GALNT3: variants seen among roughly 807,000 people sequenced by gnomAD.
GALNT3 encodes the protein GalNAc transferase 3.
GALNT3 carries 51 observed loss-of-function variants against 69.8 expected under a neutral mutation model. The observed-to-expected ratio is 0.73, with a 90% CI of 0.58 to 0.92. The LOEUF is 0.92. Ranked by LOEUF, GALNT3 falls within the 40% of genes least tolerant of loss-of-function variation. The probability of loss-of-function intolerance (pLI) is 0.00; values close to 1 mark genes in which losing one functional copy is unlikely to be tolerated. For missense variants in GALNT3, 711 were observed against 760.0 expected (o/e 0.94, Z 0.76); for synonymous variants, 265 against 248.5 (o/e 1.07, Z -0.63).
chr2:165,751,539 A>T (rs1055008176), intron 9 of GALNT3, among the ~76,000 whole-genome samples: 1 of 152,234 alleles, frequency 6.6e-6, no homozygotes, highest in Non-Finnish European at 1.5e-5. Context: ...ATTATTAAAA[A>T]GTCATTAAAA....
rs548943257 is a variant in GALNT3 at position 165,780,655 on chromosome 2, G to T, written c.-108-9847C>A. Among the ~76,000 whole-genome samples, 1,201 of 148,838 alleles carry T rather than the reference G, an allele frequency of 8.1e-3. 12 individuals are homozygous for T. The highest frequency in any genetic ancestry group is 0.028 in the African/African-American group (1,122 of 39,468). ...AGGTTTGAGGGGTTTTTTTGTTGTT[G>T]TTGTTGTTGTTGTTGTTGTTGTTTT... On this transcript the variant is annotated intron_variant, in intron 1 of 10. Coordinates refer to ENST00000392701, the MANE Select transcript of GALNT3 (RefSeq NM_004482.4).
At chr2:165,784,817 A>G (rs1683185817) in intron 1 of GALNT3, among the ~76,000 whole-genome samples, 1 of 152,238 alleles carries the variant, frequency 6.6e-6, no homozygotes, top group Non-Finnish European at 1.5e-5. Context: ...GACTGAGGTA[A>G]CAACAGAAAC....
chr2:165,770,826 C>T lies in GALNT3; in HGVS notation c.-108-18G>A, dbSNP rs1421218254. On this transcript the variant is annotated intron_variant, in intron 1 of 10. Coordinates refer to ENST00000392701, the MANE Select transcript of GALNT3 (RefSeq NM_004482.4). ...GGTAGTACCTATAAACAGAAATGAT[C>T]GATGGTATTAGTAGCTATTCAGTCC... 6 of 1,046,172 alleles carry T rather than the reference C, an allele frequency of 5.7e-6. No homozygotes were observed. The highest frequency in any genetic ancestry group is 8.3e-6 in the Non-Finnish European group (6 of 724,202). The allele number at this position is 1,046,172 out of a possible 1,614,324, so 64.8% of individuals were successfully genotyped here.
chr2:165,773,094 G>A (rs866629943), intron 1 of GALNT3, among the ~76,000 whole-genome samples: 11 of 152,186 alleles, frequency 7.2e-5, no homozygotes, highest in Admixed American at 1.3e-4. Context: ...GACTTGGTGA[G>A]AGAAAGGGAA....
intron 1 of GALNT3, among the ~76,000 whole-genome samples, chr2:165,783,750 C>A (rs548797408): frequency 5.3e-5 from 8 of 152,220 alleles, no homozygotes; most frequent in Admixed American, 2.0e-4. Flanking sequence ...AGTTTACTAA[C>A]CCCTGCTCTA....
chr2:165,775,920 C>A (rs1392234498), intron 1 of GALNT3, among the ~76,000 whole-genome samples: 1 of 152,102 alleles, frequency 6.6e-6, no homozygotes, highest in African/African-American at 2.4e-5. Context: ...AAAATAGATT[C>A]TTGATGTAAA....
At chr2:165,778,366 T>C (rs1186127032) in intron 1 of GALNT3, among the ~76,000 whole-genome samples, 1 of 152,238 alleles carries the variant, frequency 6.6e-6, no homozygotes, top group African/African-American at 2.4e-5. Flanking sequence ...GTCCATCTAT[T>C]TACCTTGTAA....
At chr2:165,756,362 T>C (rs1558995256) in intron 7 of GALNT3, among the ~76,000 whole-genome samples, 1 of 152,234 alleles carries the variant, frequency 6.6e-6, no homozygotes, top group Non-Finnish European at 1.5e-5. Context: ...TTAGGTTTCA[T>C]GATTCTGCAG....
intron 9 of GALNT3, among the ~76,000 whole-genome samples, chr2:165,750,149 G>A (rs559054000): frequency 5.9e-5 from 9 of 152,186 alleles, no homozygotes; most frequent in Admixed American, 5.9e-4. Context: ...AGTTATCAAG[G>A]AGAGTGGAGG....
chr2:165,790,798 T>A (rs994054921), intron 1 of GALNT3, among the ~76,000 whole-genome samples: 11 of 152,178 alleles, frequency 7.2e-5, no homozygotes, highest in African/African-American at 2.7e-4. Context: ...AGGGGGAGTG[T>A]AATTCCTACA....
At chr2:165,785,537 T>G (rs79423810) in intron 1 of GALNT3, among the ~76,000 whole-genome samples, 2 of 152,150 alleles carry the variant, frequency 1.3e-5, no homozygotes, top group African/African-American at 2.4e-5. Flanking sequence ...TAACACATTT[T>G]TAAGAATTAA....
chr2:165,785,719 C>A (rs1046076966), intron 1 of GALNT3, among the ~76,000 whole-genome samples: 1 of 152,104 alleles, frequency 6.6e-6, no homozygotes, highest in Non-Finnish European at 1.5e-5. Flanking sequence ...GGAACAGAGG[C>A]TCTATCAGAG....
intron 1 of GALNT3, among the ~76,000 whole-genome samples, chr2:165,788,499 GTGTGTGTA>G (rs1441843282): frequency 6.6e-6 from 1 of 150,380 alleles, no homozygotes; most frequent in Non-Finnish European, 1.5e-5. Context: ...GTGTGTGTGT[GTGTGTGTA>G]TACAGACAAG....
At chr2:165,785,882 G>T in intron 1 of GALNT3, among the ~76,000 whole-genome samples, 1 of 152,020 alleles carries the variant, frequency 6.6e-6, no homozygotes, top group East Asian at 1.9e-4. Flanking sequence ...AGATGTTAGA[G>T]TACATAGAAA....
chr2:165,761,510 C>A lies in GALNT3; in HGVS notation c.838+395G>T, dbSNP rs140948964. Among the ~76,000 whole-genome samples, 1,164 of 151,942 alleles carry A rather than the reference C, an allele frequency of 7.7e-3. 39 individuals carry two copies. Among genetic ancestry groups the A allele is most frequent in the Admixed American group, 0.061 (925 of 15,232 alleles). On this transcript the variant is annotated intron_variant, in intron 4 of 10. Transcript: ENST00000392701. ...TACAGGAATGAGCCACCACGCCCGG[C>A]TACATTTAAATAGTAAATAAGCTTT...
chr2:165,762,873 TC>T (rs1434092275), intron 3 of GALNT3, among the ~76,000 whole-genome samples: 1 of 152,030 alleles, frequency 6.6e-6, no homozygotes, highest in Non-Finnish European at 1.5e-5. Context: ...CACTGCAACC[TC>T]CGCCTCTGGG....
At chr2:165,780,650 TTGTTG>T (rs1559006020) in intron 1 of GALNT3, among the ~76,000 whole-genome samples, 90 of 136,106 alleles carry the variant, frequency 6.6e-4, no homozygotes, top group African/African-American at 2.3e-3. Flanking sequence ...GGTTTTTTTG[TTGTTG>T]TTGTTGTTGT....
chr2:165,788,286 C>T (rs1466965647), intron 1 of GALNT3, among the ~76,000 whole-genome samples: 2 of 141,286 alleles, frequency 1.4e-5, no homozygotes, highest in South Asian at 2.2e-4. Flanking sequence ...CACTGCACTC[C>T]AGCCTGGGCG....
At chr2:165,752,412 G>A (rs942807087) in intron 9 of GALNT3, among the ~76,000 whole-genome samples, 5 of 151,946 alleles carry the variant, frequency 3.3e-5, no homozygotes, top group African/African-American at 7.3e-5. Context: ...TTGTTCCTGT[G>A]GAACATAAGC....
Sources: allele counts gnomAD v4.1 joint callset (sites outside exome capture counted in the v4.1 genomes callset), GRCh38; gene constraint gnomAD v4.1.1; transcripts MANE v1.5; gene names NCBI Gene and HGNC (gene_info 2026-07-23, HGNC 2026-07-21).